MSR1: variants seen among roughly 807,000 people sequenced by gnomAD.
MSR1 encodes macrophage scavenger receptor 1.
A neutral mutation model predicts 47.2 loss-of-function variants in MSR1; 53 were observed. The ratio of observed to expected loss-of-function variants is 1.12; its 90% CI spans 0.90 to 1.41. The LOEUF (loss-of-function observed/expected upper bound fraction) is 1.41, where lower values mean the gene tolerates loss of function less well. Ranked by LOEUF, MSR1 falls within the 40% of genes most tolerant of loss-of-function variation. MSR1 has a pLI of 0.00. For missense variants in MSR1, 786 were observed against 546.9 expected (o/e 1.44, Z -4.36); for synonymous variants, 239 against 185.6 (o/e 1.29, Z -2.34).
intron 5 of MSR1, among the ~76,000 whole-genome samples, chr8:16,162,897 A>G (rs1216636420): frequency 6.6e-6 from 1 of 151,866 alleles, no homozygotes; most frequent in Non-Finnish European, 1.5e-5. Context: ...GCTCCACAAG[A>G]TTGTCTGTAT....
At chr8:16,186,540 G>T (rs2117236266) in intron 1 of MSR1, among the ~76,000 whole-genome samples, 1 of 151,852 alleles carries the variant, frequency 6.6e-6, no homozygotes, top group East Asian at 1.9e-4. Flanking sequence ...CAACCCTGTT[G>T]CTTTGTTTTC....
rs77594593 is a variant in MSR1, at chr8:16,133,114, T to G, written c.1033+10444A>C. On this transcript the variant is annotated intron_variant, in intron 8 of 9. Transcript: ENST00000262101. ...CATTATTAGTAAAATATGGGGAGAT[T>G]AAAACAGTTTGTGGAAAAAAGCAAT... 4.7e-3 allele frequency among the ~76,000 whole-genome samples: 710 copies of G among 152,206 alleles called. 20 individuals carry two copies. In the East Asian group the frequency reaches 0.068, roughly 15 times the overall value.
chr8:16,186,257 G>T, intron 1 of MSR1: 1 of 1,468,694 alleles, frequency 6.8e-7, no homozygotes, highest in Non-Finnish European at 9.2e-7. Flanking sequence ...TCTCCCCAAC[G>T]TCTCAACAGC....
chr8:16,184,225 C>T (rs1163833350), intron 1 of MSR1, among the ~76,000 whole-genome samples: 1 of 151,894 alleles, frequency 6.6e-6, no homozygotes, highest in African/African-American at 2.4e-5. Flanking sequence ...ATTATACTTT[C>T]TTTTCACATA....
At chr8:16,130,556 T>C (rs1800232216) in intron 8 of MSR1, among the ~76,000 whole-genome samples, 1 of 152,074 alleles carries the variant, frequency 6.6e-6, no homozygotes, top group Admixed American at 6.6e-5. Flanking sequence ...GTCGTGGCAA[T>C]TTGGTGGACA....
rs150616276 is a variant in MSR1, at chr8:16,136,288, C to T, written c.1033+7270G>A. On this transcript the variant is annotated intron_variant, in intron 8 of 9. Transcript: ENST00000262101. ...CCACCTCAATCTTCAGCAACCATCACGCTGATTAGTAAGCAGCCATCAACA... is the reference window on the plus strand; with the variant it reads ...CCACCTCAATCTTCAGCAACCATCATGCTGATTAGTAAGCAGCCATCAACA... Among the ~76,000 whole-genome samples, 435 of 152,240 alleles carry T rather than the reference C, an allele frequency of 2.9e-3. 3 individuals are homozygous for T. Among genetic ancestry groups the T allele is most frequent in the Non-Finnish European group, 4.5e-3 (309 of 68,010 alleles).
chr8:16,166,042 G>A (rs1801296130), intron 4 of MSR1, among the ~76,000 whole-genome samples: 1 of 152,014 alleles, frequency 6.6e-6, no homozygotes, highest in Non-Finnish European at 1.5e-5. Context: ...CTGCAAGTAT[G>A]TCGGGTAGTT....
In MSR1 at chr8:16,109,835, T is replaced by C. The variant is rs1010223042; in HGVS notation, c.*250A>G. 2.0e-6 allele frequency: 1 copy of C among 489,354 alleles called. No homozygotes were observed. Among genetic ancestry groups the C allele is most frequent in the Non-Finnish European group, 3.6e-6 (1 of 276,728 alleles). 30.3% of individuals were successfully genotyped at this position (489,354 alleles called of 1,614,324 possible). The stretch of plus-strand genomic sequence containing the variant: ...AATCTGGAAGCTATAAACTTCAAAA[T>C]GTTCAATTCAGCATATAAGTCATTA... On this transcript the variant is annotated 3_prime_UTR_variant, in exon 10 of 10. Coordinates refer to ENST00000262101, the MANE Select transcript of MSR1 (RefSeq NM_138715.3).
chr8:16,147,226 T>A (rs1800724415), intron 7 of MSR1, among the ~76,000 whole-genome samples: 1 of 152,196 alleles, frequency 6.6e-6, no homozygotes, highest in Non-Finnish European at 1.5e-5. Context: ...ATAGATCTGC[T>A]ATGCATGGAG....
intron 6 of MSR1, among the ~76,000 whole-genome samples, chr8:16,154,254 C>T (rs1585167181): frequency 6.6e-6 from 1 of 151,818 alleles, no homozygotes; most frequent in Admixed American, 6.6e-5. Flanking sequence ...GTAACACAAA[C>T]CATTCTACTT....
chr8:16,187,207 C>CA (rs1015792824), intron 1 of MSR1, among the ~76,000 whole-genome samples: 4 of 151,174 alleles, frequency 2.6e-5, no homozygotes, highest in Non-Finnish European at 3.0e-5. Context: ...ACTAAAAATA[C>CA]AAAAAATTAG....
In MSR1 at chr8:16,175,244, T is replaced by C. The variant is rs137879156; in HGVS notation, c.160A>G (p.Ile54Val). Residue 54 changes from isoleucine to valine, a missense_variant, in exon 3 of 10, where the codon ATT becomes GTT. By Grantham distance (29) the Ile-to-Val change is conservative. Transcript: ENST00000262101. ...EKLKSFKAAL[I>V]ALYLLVFAVL... ...GCAAACACGAGGAGGTAAAGGGCAA[T>C]CAGTGCAGCTTTGAAGGACTTCAGT... The C allele has an allele frequency of 9.1e-4, 1,466 of 1,614,096 alleles. 4 individuals carry two copies. Among genetic ancestry groups the C allele is most frequent in the Non-Finnish European group, 1.1e-3 (1,350 of 1,180,002 alleles).
intron 8 of MSR1, among the ~76,000 whole-genome samples, chr8:16,132,795 C>T (rs78605960): frequency 0.066 from 10,052 of 152,198 alleles, 388 homozygotes; most frequent in South Asian, 0.12. Context: ...CTGGCCAGGA[C>T]TTCCAATACC....
At chr8:16,127,333 G>A (rs373180164) in intron 8 of MSR1, among the ~76,000 whole-genome samples, 19 of 152,060 alleles carry the variant, frequency 1.2e-4, no homozygotes, top group Admixed American at 1.1e-3. Context: ...CAAATCATTC[G>A]CATTATGGAA....
chr8:16,172,109 G>A (rs1801503806), intron 3 of MSR1, among the ~76,000 whole-genome samples: 1 of 152,226 alleles, frequency 6.6e-6, no homozygotes, highest in Middle Eastern at 3.4e-3. Context: ...GGAGTTGGAT[G>A]TTCATATGAA....
intron 3 of MSR1, among the ~76,000 whole-genome samples, chr8:16,171,684 C>A (rs907825623): frequency 6.6e-6 from 1 of 152,004 alleles, no homozygotes; most frequent in Non-Finnish European, 1.5e-5. Context: ...CAATGAGGAG[C>A]CCAAATAAAC....
intron 5 of MSR1, among the ~76,000 whole-genome samples, chr8:16,161,142 G>C (rs1311656979): frequency 6.6e-6 from 1 of 150,920 alleles, no homozygotes. Flanking sequence ...GCTTGAATTA[G>C]AGTAGTAGTA....
intron 8 of MSR1, among the ~76,000 whole-genome samples, chr8:16,130,007 A>G (rs1392770654): frequency 6.6e-6 from 1 of 152,104 alleles, no homozygotes; most frequent in African/African-American, 2.4e-5. Context: ...CCTCTGCTTC[A>G]TCTGCATTCC....
At chr8:16,141,048 G>A (rs987948241) in intron 8 of MSR1, 1 of 1,612,918 alleles carries the variant, frequency 6.2e-7, no homozygotes, top group Non-Finnish European at 8.5e-7. Flanking sequence ...TACTGGTCCT[G>A]ACACATATAT....
Sources: gnomAD v4.1 joint callset for allele counts (sites outside exome capture counted in the v4.1 genomes callset) on GRCh38, gnomAD v4.1.1 for gene constraint, MANE v1.5 for transcripts, NCBI Gene and HGNC (gene_info 2026-07-23, HGNC 2026-07-21) for gene names.